PDE1C: variants seen among roughly 807,000 people sequenced by gnomAD.
PDE1C encodes the protein dual specificity calcium/calmodulin-dependent 3',5'-cyclic nucleotide phosphodiesterase 1C.
Under a neutral mutation model 93.1 loss-of-function variants are expected in PDE1C, and 62 were observed. That is an observed-to-expected ratio of 0.67 (90% CI 0.54 to 0.82). The LOEUF (loss-of-function observed/expected upper bound fraction) is 0.82, where lower values mean the gene tolerates loss of function less well. Among genes scored for constraint, PDE1C ranks in the 40% least tolerant of loss-of-function variants. The pLI is 0.00. For synonymous variants in PDE1C, 325 were observed against 310.1 expected (o/e 1.05, Z -0.50); for missense variants, 742 against 884.6 (o/e 0.84, Z 2.04).
intron 1 of PDE1C, among the ~76,000 whole-genome samples, chr7:32,334,467 C>CA (rs529984772): frequency 1.1e-3 from 168 of 152,068 alleles, no homozygotes; most frequent in African/African-American, 3.9e-3. Context: ...TATTGGGGTA[C>CA]AGGTGGTGTT....
At chr7:31,715,460 A>C in the PDE1C span, among the ~76,000 whole-genome samples, 1 of 152,184 alleles carries the variant, frequency 6.6e-6, no homozygotes, top group Non-Finnish European at 1.5e-5. Flanking sequence ...GCTGGTCTCA[A>C]ACTCTTGACC....
At chr7:32,138,580 A>G (rs960616223) in intron 3 of PDE1C, among the ~76,000 whole-genome samples, 2 of 152,154 alleles carry the variant, frequency 1.3e-5, no homozygotes, top group Admixed American at 1.3e-4. Flanking sequence ...GCAGACCAAG[A>G]TAAGAGAGAA....
intron 1 of PDE1C, among the ~76,000 whole-genome samples, chr7:32,279,204 T>G (rs1227518673): frequency 1.3e-5 from 2 of 152,152 alleles, no homozygotes; most frequent in Non-Finnish European, 2.9e-5. Flanking sequence ...CACAAGTGAC[T>G]CTCACAATCT....
At chr7:32,178,011 C>A (rs1371062194) in intron 2 of PDE1C, among the ~76,000 whole-genome samples, 1 of 152,200 alleles carries the variant, frequency 6.6e-6, no homozygotes, top group Non-Finnish European at 1.5e-5. Flanking sequence ...GGTAACTCCA[C>A]AGGGAATTAA....
At chr7:31,619,209 T>A in the PDE1C span, among the ~76,000 whole-genome samples, 2 of 152,204 alleles carry the variant, frequency 1.3e-5, no homozygotes, top group African/African-American at 2.4e-5. Flanking sequence ...ATGTCTATTT[T>A]CAGGTGATCA....
At chr7:31,970,469 TG>T in intron 2 of PDE1C, among the ~76,000 whole-genome samples, 1 of 152,316 alleles carries the variant, frequency 6.6e-6, no homozygotes. Flanking sequence ...TTCTAAGATA[TG>T]GGAAAGCCAA....
At chr7:32,088,012 T>TA (rs1232363179) in intron 3 of PDE1C, among the ~76,000 whole-genome samples, 4 of 143,504 alleles carry the variant, frequency 2.8e-5, no homozygotes, top group Non-Finnish European at 6.1e-5. Flanking sequence ...AATAATAAAA[T>TA]AAAAAAATAA....
chr7:32,168,541 A>G (rs1419595682), intron 3 of PDE1C, among the ~76,000 whole-genome samples: 1 of 152,146 alleles, frequency 6.6e-6, no homozygotes, highest in Non-Finnish European at 1.5e-5. Flanking sequence ...GAACACATAG[A>G]CAGAGAAAGC....
intron 1 of PDE1C, among the ~76,000 whole-genome samples, chr7:32,220,156 G>A (rs995906054): frequency 6.6e-5 from 10 of 151,810 alleles, no homozygotes; most frequent in African/African-American, 2.2e-4. Context: ...TATCAGCAGT[G>A]TGAAAACAGA....
At chr7:31,764,320 A>G (rs1562756403) in intron 17 of PDE1C, among the ~76,000 whole-genome samples, 1 of 151,996 alleles carries the variant, frequency 6.6e-6, no homozygotes, top group Non-Finnish European at 1.5e-5. Flanking sequence ...AATTTTTTGT[A>G]TTTTTAGTAG....
intron 3 of PDE1C, among the ~76,000 whole-genome samples, chr7:32,139,228 T>C (rs557383135): frequency 6.6e-6 from 1 of 150,938 alleles, no homozygotes; most frequent in South Asian, 2.1e-4. Flanking sequence ...CTTGAACTAC[T>C]GGGCTCAAGT....
rs540222561 is a variant in PDE1C at position 31,817,700 on chromosome 7, G to C, written c.1583-1546C>G. Among the ~76,000 whole-genome samples the C allele has an allele frequency of 3.9e-5, 6 of 152,116 alleles. No homozygotes were observed. In the South Asian group the frequency reaches 1.0e-3, roughly 26 times the overall value. Reference sequence around the variant, plus strand: ...ACTTTATTTCTTTTGTGTTAGCCTTGGTCCTAGAAAAAAGCTAATGCTCAT... The same window carrying C: ...ACTTTATTTCTTTTGTGTTAGCCTTCGTCCTAGAAAAAAGCTAATGCTCAT... On this transcript the variant is annotated intron_variant, in intron 14 of 17. Transcript: ENST00000396191.
At chr7:32,310,521 A>G (rs370742061) in intron 1 of PDE1C, among the ~76,000 whole-genome samples, 56 of 152,344 alleles carry the variant, frequency 3.7e-4, no homozygotes, top group South Asian at 1.2e-3. Flanking sequence ...TCCTCAGCAA[A>G]TGTAAAAGAA....
intron 1 of PDE1C, among the ~76,000 whole-genome samples, chr7:32,307,346 G>A (rs7779130): frequency 6.6e-6 from 1 of 151,806 alleles, no homozygotes; most frequent in Non-Finnish European, 1.5e-5. Context: ...AGCTGGCCAG[G>A]GGAGGAAGAG....
At chr7:32,278,399 A>G (rs1176115664) in intron 1 of PDE1C, among the ~76,000 whole-genome samples, 3 of 152,224 alleles carry the variant, frequency 2.0e-5, no homozygotes, top group African/African-American at 7.2e-5. Flanking sequence ...ATGGAAAAAA[A>G]GTAATAATCA....
chr7:31,965,475 C>T (rs1438450037), intron 2 of PDE1C, among the ~76,000 whole-genome samples: 1 of 152,200 alleles, frequency 6.6e-6, no homozygotes, highest in Non-Finnish European at 1.5e-5. Context: ...ACCAAATCTA[C>T]ATCTGATTGG....
chr7:31,848,087 T>C lies in PDE1C; in HGVS notation c.861A>G (p.Pro287=). The change falls in exon 9 of 18, where the codon CCA becomes CCG. Residue 287 remains proline, a synonymous_variant. Coordinates refer to ENST00000396191, the MANE Select transcript of PDE1C (RefSeq NM_001191057.4). ...CAGATCTGTCATTATACAGAATAGCTGGATCAGACCTGAACAGAAAGCCAA... is the reference window on the plus strand; with the variant it reads ...CAGATCTGTCATTATACAGAATAGCCGGATCAGACCTGAACAGAAAGCCAA... ...NNFHIQTRSD[P]AILYNDRSVL... 6.2e-7 allele frequency: 1 copy of C among 1,612,784 alleles called. No individual in the cohort carries two copies. Among genetic ancestry groups the C allele is most frequent in the South Asian group, 1.1e-5 (1 of 91,052 alleles).
the PDE1C span, among the ~76,000 whole-genome samples, chr7:31,733,814 G>A: frequency 1.3e-5 from 2 of 152,050 alleles, no homozygotes; most frequent in African/African-American, 4.8e-5. Flanking sequence ...TGGCCAACAG[G>A]GCGAAACCCT....
chr7:32,164,419 C>A (rs1006317359), intron 3 of PDE1C, among the ~76,000 whole-genome samples: 1 of 152,132 alleles, frequency 6.6e-6, no homozygotes, highest in African/African-American at 2.4e-5. Context: ...CCAATCACAC[C>A]ATATCTTTTT....
Sources: gnomAD v4.1 joint callset for allele counts (sites outside exome capture counted in the v4.1 genomes callset) on GRCh38, gnomAD v4.1.1 for gene constraint, MANE v1.5 for transcripts, NCBI Gene and HGNC (gene_info 2026-07-23, HGNC 2026-07-21) for gene names.